Variants in MEIS1 observed in about 807,000 individuals in gnomAD.
The protein encoded by MEIS1 is homeobox protein Meis1.
A neutral mutation model predicts 50.8 loss-of-function variants in MEIS1; 5 were observed. The ratio of observed to expected loss-of-function variants is 0.10; its 90% CI spans 0.05 to 0.21. The LOEUF is 0.21. Ranked by LOEUF, MEIS1 falls within the 10% of genes least tolerant of loss-of-function variation. MEIS1 has a pLI of 1.00. For synonymous variants in MEIS1, 176 were observed against 179.3 expected (o/e 0.98, Z 0.15); for missense variants, 318 against 517.3 (o/e 0.61, Z 3.74).
intron 9 of MEIS1, among the ~76,000 whole-genome samples, chr2:66,548,244 T>C (rs570960931): frequency 6.6e-6 from 1 of 152,246 alleles, no homozygotes; most frequent in Non-Finnish European, 1.5e-5. Flanking sequence ...GACAATTTTA[T>C]GCATAGTATA....
chr2:66,474,091 A>AT (rs35282974), intron 7 of MEIS1, among the ~76,000 whole-genome samples: 45 of 150,182 alleles, frequency 3.0e-4, no homozygotes, highest in South Asian at 1.5e-3. Context: ...GCAATCATCC[A>AT]TTTTTTTTTT....
At chr2:66,553,221 G>C (rs1443539593) in intron 9 of MEIS1, among the ~76,000 whole-genome samples, 1 of 152,106 alleles carries the variant, frequency 6.6e-6, no homozygotes, top group Non-Finnish European at 1.5e-5. Flanking sequence ...TTTTTCCCTT[G>C]AGAATTGAAG....
rs1390434865 is a variant in MEIS1 at position 66,517,206 on chromosome 2, A to G, written c.888+4912A>G. 7.2e-5 allele frequency among the ~76,000 whole-genome samples: 11 copies of G among 152,268 alleles called. No homozygotes were observed. The East Asian group carries it at 1.9e-3, about 27-fold the overall frequency. On this transcript the variant is annotated intron_variant, in intron 8 of 12. Transcript: ENST00000272369. ...TGGGGAAGGACAACTATATTCTCACATTCTTGCCCAAACTGTTCATCAGGG... is the reference window on the plus strand; with the variant it reads ...TGGGGAAGGACAACTATATTCTCACGTTCTTGCCCAAACTGTTCATCAGGG...
intron 9 of MEIS1, among the ~76,000 whole-genome samples, chr2:66,566,527 CG>C (rs1675350242): frequency 6.6e-6 from 1 of 151,908 alleles, no homozygotes; most frequent in Non-Finnish European, 1.5e-5. Context: ...GGATTTGATA[CG>C]TAATTTTTAA....
intron 8 of MEIS1, among the ~76,000 whole-genome samples, chr2:66,525,663 C>T (rs1182627088): frequency 6.6e-6 from 1 of 152,206 alleles, no homozygotes; most frequent in Non-Finnish European, 1.5e-5. Context: ...CTGATAGACG[C>T]AGGGCTCTGC....
At position 66,453,827 on chromosome 2, in the gene MEIS1, AT is replaced by A. The variant is rs200726740; in HGVS notation, c.631-10273del. On this transcript the variant is annotated intron_variant, in intron 6 of 12. Transcript: ENST00000272369. ...CAAAACAAGACTATATCTTGGCTGA[AT>A]TTTTTTTTCTTCTTATGTCTCAATT... Among the ~76,000 whole-genome samples, 4 of 151,514 alleles carry A rather than the reference AT, an allele frequency of 2.6e-5. No individual in the cohort carries two copies. The East Asian group carries it at 5.8e-4, about 22-fold the overall frequency.
intron 7 of MEIS1, among the ~76,000 whole-genome samples, chr2:66,471,953 C>T (rs575628862): frequency 1.2e-3 from 187 of 152,204 alleles, no homozygotes; most frequent in Non-Finnish European, 1.5e-3. Flanking sequence ...TTTATGTAAA[C>T]GATGAAAATG....
chr2:66,510,076 T>G (rs1320630888), intron 7 of MEIS1, among the ~76,000 whole-genome samples: 1 of 152,214 alleles, frequency 6.6e-6, no homozygotes, highest in African/African-American at 2.4e-5. Context: ...GTATGTGTCT[T>G]TTCCTTGGTT....
intron 7 of MEIS1, among the ~76,000 whole-genome samples, chr2:66,485,093 A>C (rs1449011249): frequency 6.6e-6 from 1 of 151,928 alleles, no homozygotes; most frequent in East Asian, 1.9e-4. Flanking sequence ...ATATATATAT[A>C]CACATATGAT....
intron 11 of MEIS1, 142 bp downstream of exon 11, chr2:66,568,898 T>A: frequency 9.4e-7 from 1 of 1,064,976 alleles, no homozygotes; most frequent in Non-Finnish European, 1.5e-6. Flanking sequence ...GCATCTAAGA[T>A]ATTGCAGAGG....
chr2:66,504,472 G>A (rs907225380), intron 7 of MEIS1, among the ~76,000 whole-genome samples: 1 of 151,124 alleles, frequency 6.6e-6, no homozygotes, highest in Non-Finnish European at 1.5e-5. Flanking sequence ...CTGACATCAG[G>A]TGATCCACCC....
chr2:66,521,008 T>G (rs1049342151), intron 8 of MEIS1, among the ~76,000 whole-genome samples: 7 of 152,224 alleles, frequency 4.6e-5, no homozygotes, highest in African/African-American at 1.7e-4. Context: ...AATAAAAATA[T>G]AAGCCAGAGG....
chr2:66,437,067 C>A, intron 1 of MEIS1: 2 of 569,942 alleles, frequency 3.5e-6, no homozygotes, highest in Non-Finnish European at 4.4e-6. Context: ...GGGAATTGCC[C>A]AATTCTAAAT....
chr2:66,568,943 T>C, intron 11 of MEIS1, 107 bp from the exon 12 acceptor site: 1 of 1,173,096 alleles, frequency 8.5e-7, no homozygotes, highest in Non-Finnish European at 1.3e-6. Context: ...AAGATCTCAC[T>C]ATTTCTCAAC....
At chr2:66,539,936 C>T (rs1674611550) in intron 8 of MEIS1, among the ~76,000 whole-genome samples, 1 of 152,066 alleles carries the variant, frequency 6.6e-6, no homozygotes, top group African/African-American at 2.4e-5. Context: ...TGATTAATAA[C>T]ATGGTTCATA....
chr2:66,521,941 C>T (rs1034752275), intron 8 of MEIS1, among the ~76,000 whole-genome samples: 1 of 152,194 alleles, frequency 6.6e-6, no homozygotes, highest in South Asian at 2.1e-4. Flanking sequence ...AGGAGTGTCA[C>T]CTCAGGTTCA....
chr2:66,523,497 C>T (rs1040111740), intron 8 of MEIS1, among the ~76,000 whole-genome samples: 1 of 152,148 alleles, frequency 6.6e-6, no homozygotes, highest in African/African-American at 2.4e-5. Context: ...GCAATAGCAC[C>T]ATAAATCAGT....
chr2:66,532,205 T>A (rs1674409333), intron 8 of MEIS1, among the ~76,000 whole-genome samples: 1 of 152,190 alleles, frequency 6.6e-6, no homozygotes, highest in African/African-American at 2.4e-5. Flanking sequence ...CTGTGATTTA[T>A]TTTTTCGATT....
rs1675518072 is a variant in MEIS1 at position 66,573,446 on chromosome 2, G to C, written c.*2238G>C. On this transcript the variant is annotated 3_prime_UTR_variant, in exon 13 of 13. Transcript: ENST00000272369. ...AACAAAGGATGGGTCGGAGGAGAGAGAGCCTTAAACTCAAGTCTGACATTC... is the reference window on the plus strand; with the variant it reads ...AACAAAGGATGGGTCGGAGGAGAGACAGCCTTAAACTCAAGTCTGACATTC... 1.3e-5 allele frequency: 2 copies of C among 152,322 alleles called. No individual in the cohort carries two copies. Among genetic ancestry groups the C allele is most frequent in the South Asian group, 4.1e-4 (2 of 4,826 alleles). The allele number at this position is 152,322 out of a possible 1,614,324, so 9.4% of individuals were successfully genotyped here.
Sources: allele counts gnomAD v4.1 joint callset (sites outside exome capture counted in the v4.1 genomes callset), GRCh38; gene constraint gnomAD v4.1.1; transcripts MANE v1.5; gene names NCBI Gene and HGNC (gene_info 2026-07-23, HGNC 2026-07-21).